DAB1: variants seen among roughly 807,000 people sequenced by gnomAD.
DAB1 encodes the protein disabled homolog 1.
Under a neutral mutation model 64.6 loss-of-function variants are expected in DAB1, and 15 were observed. That is an observed-to-expected ratio of 0.23 (90% CI 0.16 to 0.36). DAB1 has a LOEUF of 0.36. Ranked by LOEUF, DAB1 falls within the 10% of genes least tolerant of loss-of-function variation. The pLI is 1.00. For missense variants in DAB1, 596 were observed against 706.7 expected, an observed-to-expected ratio of 0.84 and a Z score of 1.78; for synonymous variants, 235 against 251.9, an observed-to-expected ratio of 0.93 and a Z score of 0.64.
chr1:58,030,872 A>T (rs1227150580), intron 5 of DAB1, among the ~76,000 whole-genome samples: 1 of 152,224 alleles, frequency 6.6e-6, no homozygotes, highest in Admixed American at 6.5e-5. Flanking sequence ...CTAGGCATGG[A>T]CGGCCTTCAA....
chr1:57,271,595 G>A (rs1026610473), intron 2 of DAB1, among the ~76,000 whole-genome samples: 55 of 152,308 alleles, frequency 3.6e-4, no homozygotes, highest in African/African-American at 1.3e-3. Flanking sequence ...GACATGGTCT[G>A]GTAGAGAGAC....
At chr1:57,172,878 C>T (rs1163540016) in intron 2 of DAB1, among the ~76,000 whole-genome samples, 1 of 152,148 alleles carries the variant, frequency 6.6e-6, no homozygotes, top group East Asian at 1.9e-4. Context: ...CAAGTTATAG[C>T]ATGCATAGAC....
chr1:58,480,719 TA>T (rs1349906127), intron 3 of DAB1: 12 of 310,928 alleles, frequency 3.9e-5, no homozygotes, highest in Non-Finnish European at 6.4e-5. Flanking sequence ...GAAGACAGAG[TA>T]AAATGTGTAA....
chr1:57,120,868 G>A (rs1225975955), intron 4 of DAB1, among the ~76,000 whole-genome samples: 1 of 152,108 alleles, frequency 6.6e-6, no homozygotes, highest in Non-Finnish European at 1.5e-5. Flanking sequence ...TGGGCATTTG[G>A]GTTGCTTCCA....
At chr1:57,813,662 G>GATGAA (rs1651728883) in intron 6 of DAB1, among the ~76,000 whole-genome samples, 1 of 152,160 alleles carries the variant, frequency 6.6e-6, no homozygotes, top group Non-Finnish European at 1.5e-5. Flanking sequence ...GGAGCTGTTA[G>GATGAA]ATGAAAAGCA....
intron 2 of DAB1, among the ~76,000 whole-genome samples, chr1:57,269,700 C>T (rs904465837): frequency 6.6e-6 from 1 of 152,178 alleles, no homozygotes; most frequent in African/African-American, 2.4e-5. Context: ...TTCACCCCAA[C>T]TTGCTTAACT....
chr1:57,045,253 C>A (rs1477222831), intron 9 of DAB1, among the ~76,000 whole-genome samples: 6 of 152,170 alleles, frequency 3.9e-5, no homozygotes, highest in East Asian at 1.9e-4. Context: ...TAACCCAATT[C>A]TCTCTTGGAG....
chr1:57,441,821 G>C (rs949098205), intron 7 of DAB1, among the ~76,000 whole-genome samples: 2 of 152,154 alleles, frequency 1.3e-5, no homozygotes, highest in African/African-American at 4.8e-5. Context: ...GGGATTGCTG[G>C]GCCAAATGGT....
chr1:58,030,347 T>C (rs1646954530), intron 5 of DAB1, among the ~76,000 whole-genome samples: 2 of 152,188 alleles, frequency 1.3e-5, no homozygotes, highest in African/African-American at 4.8e-5. Flanking sequence ...GAGTAATTTG[T>C]ATTTATTTTT....
intron 4 of DAB1, among the ~76,000 whole-genome samples, chr1:58,328,472 A>G (rs2100492380): frequency 6.6e-6 from 1 of 152,252 alleles, no homozygotes; most frequent in African/African-American, 2.4e-5. Context: ...ACTGCAGGCG[A>G]TGTCAGCTTC....
intron 4 of DAB1, among the ~76,000 whole-genome samples, chr1:58,177,340 A>T (rs934745184): frequency 1.3e-5 from 2 of 152,224 alleles, no homozygotes; most frequent in African/African-American, 4.8e-5. Flanking sequence ...AAACTCTCAT[A>T]TATTTGTTAA....
intron 5 of DAB1, among the ~76,000 whole-genome samples, chr1:57,970,641 A>G (rs1057231761): frequency 6.6e-6 from 1 of 152,184 alleles, no homozygotes; most frequent in Non-Finnish European, 1.5e-5. Context: ...ATGAATAAGA[A>G]ATACTTTCCC....
At chr1:57,160,413 AAAAG>A (rs1317454981) in intron 2 of DAB1, among the ~76,000 whole-genome samples, 1 of 152,212 alleles carries the variant, frequency 6.6e-6, no homozygotes, top group African/African-American at 2.4e-5. Context: ...GGTGTGCTAA[AAAAG>A]AAAGGCATGT....
intron 6 of DAB1, among the ~76,000 whole-genome samples, chr1:57,696,639 T>C (rs1646849203): frequency 6.6e-6 from 1 of 152,130 alleles, no homozygotes; most frequent in African/African-American, 2.4e-5. Flanking sequence ...CAGAGCTCAG[T>C]TGGTATTTGT....
At chr1:57,882,383 T>G (rs1037179695) in intron 1 of DAB1, among the ~76,000 whole-genome samples, 17 of 152,312 alleles carry the variant, frequency 1.1e-4, no homozygotes, top group Non-Finnish European at 2.5e-4. Flanking sequence ...TGGCCCCTTC[T>G]CAGAGTCCTA....
At chr1:57,604,737 G>A (rs993131755) in intron 7 of DAB1, among the ~76,000 whole-genome samples, 6 of 152,174 alleles carry the variant, frequency 3.9e-5, no homozygotes, top group South Asian at 2.1e-4. Flanking sequence ...CCACTCCTCC[G>A]CATGGAGGAA....
intron 4 of DAB1, among the ~76,000 whole-genome samples, chr1:57,086,094 G>T (rs1473620802): frequency 6.6e-6 from 1 of 152,154 alleles, no homozygotes; most frequent in Non-Finnish European, 1.5e-5. Context: ...AGACAGGCAG[G>T]GGTCAGGGGA....
intron 7 of DAB1, among the ~76,000 whole-genome samples, chr1:57,455,047 A>G (rs888128731): frequency 9.2e-5 from 14 of 152,280 alleles, no homozygotes; most frequent in African/African-American, 3.4e-4. Context: ...AAGAGGAGAC[A>G]CAGAGTTGGA....
intron 2 of DAB1, among the ~76,000 whole-genome samples, chr1:57,241,987 T>G (rs1245275606): frequency 6.6e-6 from 1 of 152,212 alleles, no homozygotes; most frequent in African/African-American, 2.4e-5. Context: ...ATTCCTATAT[T>G]TCTCAATCTT....
Sources: gnomAD v4.1 joint callset for allele counts (sites outside exome capture counted in the v4.1 genomes callset) on GRCh38, gnomAD v4.1.1 for gene constraint, MANE v1.5 for transcripts, NCBI Gene and HGNC (gene_info 2026-07-23, HGNC 2026-07-21) for gene names.